The following DSG2 variants were observed in gnomAD, a reference collection of about 807,000 sequenced individuals.
The protein encoded by DSG2 is desmoglein-2.
DSG2 carries 45 observed loss-of-function variants against 75.6 expected under a neutral mutation model. The observed-to-expected ratio is 0.60, with a 90% CI of 0.47 to 0.76. The LOEUF (loss-of-function observed/expected upper bound fraction) is 0.76. Among genes scored for constraint, DSG2 ranks in the 30% least tolerant of loss-of-function variants. The pLI is 0.00. For missense variants in DSG2, 1,267 were observed against 1,357.4 expected (o/e 0.93, Z 1.05); for synonymous variants, 429 against 483.9 (o/e 0.89, Z 1.49).
chr18:31,507,662 A>C (rs2073045809), intron 1 of DSG2, among the ~76,000 whole-genome samples: 2 of 152,116 alleles, frequency 1.3e-5, no homozygotes, highest in South Asian at 2.1e-4. Context: ...TTTGATTTGC[A>C]TTCCCCTAAT....
chr18:31,535,515 G>C, intron 10 of DSG2, 103 bp downstream of exon 10: 6 of 1,099,898 alleles, frequency 5.5e-6, no homozygotes, highest in Non-Finnish European at 6.6e-6. Flanking sequence ...CCTAATCTCG[G>C]CCGGGAGCAG....
chr18:31,533,125 A>G (rs1197930337), intron 9 of DSG2, among the ~76,000 whole-genome samples: 1 of 152,206 alleles, frequency 6.6e-6, no homozygotes, highest in Non-Finnish European at 1.5e-5. Context: ...CAACCAAGTT[A>G]AATTATTTTC....
chr18:31,546,498 A>T lies in DSG2; in HGVS notation c.3112A>T (p.Ile1038Leu), dbSNP rs774113529. The change falls in exon 15 of 15, where the codon ATA (isoleucine) becomes TTA (leucine). Residue 1038 changes from isoleucine to leucine, a missense_variant. Physicochemically the swap from Ile to Leu is conservative, Grantham distance 5 (BLOSUM62 2). Coordinates refer to ENST00000261590, the MANE Select transcript of DSG2 (RefSeq NM_001943.5). The stretch of plus-strand genomic sequence containing the variant: ...GCAGCCTACTCTGGCCATGCCTAAT[A>T]TAGCAGTAGGACAGAATGTGACAGT... ...GVQPTLAMPNIAVGQNVTVTE... is the reference protein window; with the variant it reads ...GVQPTLAMPNLAVGQNVTVTE... 2 of 1,614,082 alleles carry T rather than the reference A, an allele frequency of 1.2e-6. No individual in the cohort carries two copies. The highest frequency in any genetic ancestry group is 1.7e-5 in the Admixed American group (1 of 60,014).
intron 1 of DSG2, among the ~76,000 whole-genome samples, chr18:31,503,130 G>C (rs1052616729): frequency 2.0e-5 from 3 of 152,186 alleles, no homozygotes; most frequent in African/African-American, 7.2e-5. Context: ...ATCCCTGCTT[G>C]ATGCTAGGCA....
rs755081470 is a variant in DSG2 at position 31,546,002 on chromosome 18, G to T, written c.2616G>T (p.Glu872Asp). ...SMNTASHSLC[E>D]QTMVNSENTY... Reference sequence around the variant, plus strand: ...ACACAGCTTCACATTCACTCTGTGAGCAAACTATGGTTAATTCAGAGAATA... The same window carrying T: ...ACACAGCTTCACATTCACTCTGTGATCAAACTATGGTTAATTCAGAGAATA... The change falls in exon 15 of 15, where the codon GAG becomes GAT. Residue 872 changes from glutamate (E) to aspartate (D), a missense_variant. By Grantham distance (45) the Glu-to-Asp change is conservative. Transcript: ENST00000261590. 2.5e-6 allele frequency: 4 copies of T among 1,614,074 alleles called. No individual in the cohort carries two copies. The African/African-American group carries it at 4.0e-5, about 16-fold the overall frequency.
chr18:31,529,850 G>A (rs1244083885), intron 8 of DSG2, among the ~76,000 whole-genome samples: 1 of 152,138 alleles, frequency 6.6e-6, no homozygotes, highest in African/African-American at 2.4e-5. Flanking sequence ...TAGGATATAG[G>A]TCAACAGAGG....
chr18:31,527,218 A>G (rs895361595), intron 8 of DSG2, among the ~76,000 whole-genome samples: 4 of 152,246 alleles, frequency 2.6e-5, no homozygotes, highest in Non-Finnish European at 4.4e-5. Flanking sequence ...TACAATATTC[A>G]GTACAGTAAC....
chr18:31,498,773 A>G (rs377266248), intron 1 of DSG2, among the ~76,000 whole-genome samples: 16 of 152,338 alleles, frequency 1.1e-4, no homozygotes, highest in African/African-American at 3.4e-4. Flanking sequence ...AACCAGGAAC[A>G]TACTTGTATT....
At chr18:31,515,837 A>G (rs2073091456) in intron 1 of DSG2, among the ~76,000 whole-genome samples, 1 of 152,246 alleles carries the variant, frequency 6.6e-6, no homozygotes, top group Admixed American at 6.5e-5. Context: ...TCACTTGTGG[A>G]ATGGACCCTA....
chr18:31,544,015 C>A (rs1044951548), intron 14 of DSG2, among the ~76,000 whole-genome samples: 2 of 151,902 alleles, frequency 1.3e-5, no homozygotes, highest in African/African-American at 4.8e-5. Context: ...AACCTAATAA[C>A]AGAAATTTTT....
chr18:31,498,389 T>C, intron 1 of DSG2, 93 bp downstream of exon 1: 41 of 1,211,982 alleles, frequency 3.4e-5, no homozygotes, highest in Non-Finnish European at 4.3e-5. Flanking sequence ...CCGCCGCCCT[T>C]GTGCGCGTTA....
At chr18:31,500,659 A>G (rs188850454) in intron 1 of DSG2, among the ~76,000 whole-genome samples, 41 of 152,272 alleles carry the variant, frequency 2.7e-4, no homozygotes, top group African/African-American at 9.1e-4. Flanking sequence ...TCTGTGACAC[A>G]TGGTCTTTCG....
rs794728095 is a variant in DSG2 at position 31,546,031 on chromosome 18, ACTC to A, written c.2649_2651del (p.Ser884del). Reference sequence around the variant, plus strand: ...ACTATGGTTAATTCAGAGAATACCTACTCCTCTGGCAGTAGCTTCCCAGTTCCA... The same window carrying A: ...ACTATGGTTAATTCAGAGAATACCTACTCTGGCAGTAGCTTCCCAGTTCCA... On this transcript the variant is annotated inframe_deletion, in exon 15 of 15. Transcript: ENST00000261590. 18 of 1,613,972 alleles carry A rather than the reference ACTC, an allele frequency of 1.1e-5. No homozygotes were observed. The African/African-American group carries it at 2.4e-4, about 22-fold the overall frequency.
At chr18:31,524,658 A>G (rs1318678174) in intron 7 of DSG2, 45 bp from the exon 8 acceptor site, 3 of 1,609,444 alleles carry the variant, frequency 1.9e-6, no homozygotes, top group Non-Finnish European at 1.7e-6. Flanking sequence ...TATCACTTAT[A>G]TTTGTATTTC....
intron 1 of DSG2, among the ~76,000 whole-genome samples, chr18:31,509,444 A>G (rs1483366736): frequency 4.6e-5 from 7 of 151,694 alleles, no homozygotes; most frequent in South Asian, 2.1e-4. Flanking sequence ...TTTTTTTTAA[A>G]TTAGCAATTG....
At chr18:31,541,170 T>C (rs1436973689) in intron 12 of DSG2, 23 bp from the exon 13 acceptor site, 1 of 1,614,100 alleles carries the variant, frequency 6.2e-7, no homozygotes, top group East Asian at 2.2e-5. Flanking sequence ...ACCTTATCTG[T>C]GTTCAATTTT....
chr18:31,533,283 A>T (rs957483358), intron 9 of DSG2, among the ~76,000 whole-genome samples: 1 of 152,172 alleles, frequency 6.6e-6, no homozygotes, highest in African/African-American at 2.4e-5. Context: ...AACCTGGGCA[A>T]CACAGCAAGA....
At position 31,546,222 on chromosome 18, in the gene DSG2, A is replaced by C; in HGVS notation, c.2836A>C (p.Met946Leu). The stretch of plus-strand genomic sequence containing the variant: ...AACTTCCTATGTCACAGGGTCCACT[A>C]TGCCACCAACCACTGTGATCCTGGG... ...TETSYVTGST[M>L]PPTTVILGPS... The change falls in exon 15 of 15, where the codon ATG becomes CTG. Residue 946 changes from methionine to leucine, a missense_variant. Physicochemically the swap from Met to Leu is conservative, Grantham distance 15. Coordinates refer to ENST00000261590, the MANE Select transcript of DSG2 (RefSeq NM_001943.5). 6.2e-7 allele frequency: 1 copy of C among 1,611,772 alleles called. No homozygotes were observed. The highest frequency in any genetic ancestry group is 1.3e-5 in the African/African-American group (1 of 74,924).
intron 9 of DSG2, among the ~76,000 whole-genome samples, chr18:31,532,011 T>C (rs1008073559): frequency 6.6e-6 from 1 of 152,220 alleles, no homozygotes; most frequent in African/African-American, 2.4e-5. Context: ...CCACCTGCTG[T>C]CCCAGACACA....
Sources: allele counts gnomAD v4.1 joint callset (sites outside exome capture counted in the v4.1 genomes callset), GRCh38; gene constraint gnomAD v4.1.1; transcripts MANE v1.5; gene names NCBI Gene and HGNC (gene_info 2026-07-23, HGNC 2026-07-21).